Variants in RRN3 observed in about 807,000 individuals in gnomAD.
RRN3 encodes the protein RNA polymerase I-specific transcription initiation factor RRN3.
In RRN3, 38 loss-of-function variants were observed where a neutral mutation model predicts 82.3. The ratio of observed to expected loss-of-function variants is 0.46; its 90% CI spans 0.36 to 0.61. The LOEUF (loss-of-function observed/expected upper bound fraction) is 0.61. RRN3 is among the 20% of genes least tolerant of loss of function. The pLI is 0.00. For missense variants in RRN3, 726 were observed against 793.1 expected (o/e 0.92, Z 1.02); for synonymous variants, 284 against 284.3 (o/e 1.00, Z 0.01).
At position 15,063,211 on chromosome 16, in the gene RRN3, C is replaced by T; in HGVS notation, c.1779G>A (p.Lys593=). 6.2e-7 allele frequency: 1 copy of T among 1,611,200 alleles called. No homozygotes were observed. The highest frequency in any genetic ancestry group is 8.5e-7 in the Non-Finnish European group (1 of 1,177,346). The stretch of plus-strand genomic sequence containing the variant: ...ACAAACTGACCTTTTTCATGGGTTT[C>T]TTGAACTCCTGTAGCTCTTCAGCAC... ...DMSAEELQEF[K]KPMKKDIVED... The change falls in exon 17 of 18, where the codon AAG becomes AAA. Residue 593 remains lysine, a synonymous_variant. Coordinates refer to ENST00000198767, the MANE Select transcript of RRN3 (RefSeq NM_018427.5).
rs538790372 is a variant in RRN3, at chr16:15,075,070, T to C, written c.859-209A>G. On this transcript the variant is annotated intron_variant, in intron 10 of 17. Transcript: ENST00000198767. ...TTTGAGACCAGCCTGGCCAACATGG[T>C]AAAACTCTGTCTCTACTAAAAATAC... is the stretch of plus-strand genomic sequence containing the variant. 2.0e-4 allele frequency among the ~76,000 whole-genome samples: 31 copies of C among 151,680 alleles called. No individual in the cohort carries two copies. In the South Asian group the frequency reaches 4.2e-3, roughly 20 times the overall value.
At chr16:15,078,617 G>A (rs557792751) in intron 9 of RRN3, among the ~76,000 whole-genome samples, 1 of 152,168 alleles carries the variant, frequency 6.6e-6, no homozygotes, top group South Asian at 2.1e-4. Flanking sequence ...GAGCATCCAG[G>A]CTCTTGGTTT....
chr16:15,063,961 G>C (rs1256022160), intron 16 of RRN3, among the ~76,000 whole-genome samples: 1 of 152,078 alleles, frequency 6.6e-6, no homozygotes, highest in Non-Finnish European at 1.5e-5. Flanking sequence ...TATTTCTGTA[G>C]TAATTTGCTG....
At chr16:15,080,714 G>A (rs4122352) in intron 8 of RRN3, among the ~76,000 whole-genome samples, 31,335 of 151,878 alleles carry the variant, frequency 0.21, 4,285 homozygotes, top group Middle Eastern at 0.34. Flanking sequence ...AAGCCACTGC[G>A]CCCAGCCAGC....
At position 15,061,472 on chromosome 16, in the gene RRN3, T is replaced by C. The variant is rs1190165728; in HGVS notation, c.*272A>G. The C allele has an allele frequency of 1.1e-5, 4 of 379,642 alleles. No homozygotes were observed. Among genetic ancestry groups the C allele is most frequent in the Admixed American group, 4.4e-5 (1 of 22,672 alleles). The allele number at this position is 379,642 out of a possible 1,614,324, so 23.5% of individuals were successfully genotyped here. On this transcript the variant is annotated 3_prime_UTR_variant, in exon 18 of 18. Coordinates refer to ENST00000198767, the MANE Select transcript of RRN3 (RefSeq NM_018427.5). ...AAGCTGTTAACACAAAAAATGTACA[T>C]ATTAAACAAGCAAATCCTTCCAAAT...
chr16:15,071,463 G>C (rs2045224712), intron 12 of RRN3, among the ~76,000 whole-genome samples: 1 of 152,156 alleles, frequency 6.6e-6, no homozygotes, highest in South Asian at 2.1e-4. Flanking sequence ...CCCAAACCTA[G>C]CTAAGCATCA....
At chr16:15,075,405 C>G (rs186141082) in intron 10 of RRN3, among the ~76,000 whole-genome samples, 1 of 151,896 alleles carries the variant, frequency 6.6e-6, no homozygotes, top group African/African-American at 2.4e-5. Context: ...AGACCTGTCT[C>G]TACAAAAATA....
At position 15,061,832 on chromosome 16, in the gene RRN3, G is replaced by C. The variant is rs1367148440; in HGVS notation, c.1868C>G (p.Thr623Arg). Residue 623 changes from threonine to arginine, a missense_variant, in exon 18 of 18, where the codon ACA (threonine) becomes AGA (arginine). Thr to Arg is a moderately conservative substitution (Grantham distance 71). Coordinates refer to ENST00000198767, the MANE Select transcript of RRN3 (RefSeq NM_018427.5). ...VPQNDTVIGI[T>R]PSSFDTHFRS... ...GAAATGCGTGTCAAAGGAGCTTGGT[G>C]TGATCCCAATCACGGTATCATTCTG... 2.5e-6 allele frequency: 4 copies of C among 1,614,114 alleles called. No individual in the cohort carries two copies. Among genetic ancestry groups the C allele is most frequent in the Non-Finnish European group, 3.4e-6 (4 of 1,179,918 alleles).
intron 9 of RRN3, among the ~76,000 whole-genome samples, chr16:15,077,155 T>G (rs1018612943): frequency 1.3e-5 from 2 of 151,646 alleles, no homozygotes; most frequent in Non-Finnish European, 2.9e-5. Flanking sequence ...AATTTTGTAT[T>G]TTTAGTAGAG....
rs192563046 is a variant in RRN3, at chr16:15,091,948, G to A, written c.195+561C>T. On this transcript the variant is annotated intron_variant, in intron 2 of 17. Coordinates refer to ENST00000198767, the MANE Select transcript of RRN3 (RefSeq NM_018427.5). ...AATCCCAGCACTTTGGGAGGCCAAGGCGGGTGGATCACAAGGTCAGGAGTT... is the reference window on the plus strand; with the variant it reads ...AATCCCAGCACTTTGGGAGGCCAAGACGGGTGGATCACAAGGTCAGGAGTT... 4.0e-3 allele frequency among the ~76,000 whole-genome samples: 608 copies of A among 152,274 alleles called. 4 individuals carry two copies. The highest frequency in any genetic ancestry group is 6.5e-3 in the Non-Finnish European group (443 of 68,016).
rs374353637 is a variant in RRN3, at chr16:15,073,066, C to A, written c.1012G>T (p.Gly338Cys). 6.2e-7 allele frequency: 1 copy of A among 1,610,094 alleles called. No homozygotes were observed. Among genetic ancestry groups the A allele is most frequent in the Admixed American group, 1.7e-5 (1 of 58,782 alleles). Residue 338 changes from glycine to cysteine, a missense_variant, in exon 12 of 18, where the codon GGC becomes TGC. Around this residue, in one of 4 missense-constraint regions of RRN3, gnomAD observed 344 missense variants for 394.5 expected, o/e 0.87. Coordinates refer to ENST00000198767, the MANE Select transcript of RRN3 (RefSeq NM_018427.5). The part of the protein sequence containing the change: ...VCYVDGKVDN[G>C]KTKDLYRDLI... ...TCGCGATATAGATCCTTTGTTTTGC[C>A]GTTATCAACCTTACCTATGGAGAAA...
At chr16:15,073,605 A>C (rs982179391) in intron 11 of RRN3, among the ~76,000 whole-genome samples, 1 of 152,230 alleles carries the variant, frequency 6.6e-6, no homozygotes, top group African/African-American at 2.4e-5. Flanking sequence ...CAAGGTCAGA[A>C]ATGCAAACCC....
intron 12 of RRN3, among the ~76,000 whole-genome samples, chr16:15,071,584 A>G (rs2045231235): frequency 6.6e-6 from 1 of 152,206 alleles, no homozygotes; most frequent in South Asian, 2.1e-4. Context: ...CCTGGCCAAC[A>G]TGGAGAAACC....
chr16:15,072,202 A>G (rs1395983440), intron 12 of RRN3, among the ~76,000 whole-genome samples: 5 of 151,526 alleles, frequency 3.3e-5, no homozygotes, highest in Admixed American at 1.3e-4. Context: ...AAGCCACAAA[A>G]TCGTTGCAGA....
intron 17 of RRN3, among the ~76,000 whole-genome samples, 190 bp from the exon 18 acceptor site, chr16:15,062,095 C>T (rs1006874424): frequency 2.0e-5 from 3 of 152,154 alleles, no homozygotes; most frequent in African/African-American, 4.8e-5. Flanking sequence ...GGGAGGACTG[C>T]TTGAGCTCAA....
intron 8 of RRN3, among the ~76,000 whole-genome samples, chr16:15,080,684 A>G (rs926753812): frequency 6.6e-6 from 1 of 152,210 alleles, no homozygotes. Flanking sequence ...AGCCTCCTGA[A>G]GTGCTGTGAT....
At position 15,061,868 on chromosome 16, in the gene RRN3, C is replaced by A. The variant is rs2044727714; in HGVS notation, c.1832G>T (p.Gly611Val). The change falls in exon 18 of 18, where the codon GGC becomes GTC. Residue 611 changes from glycine (G) to valine (V), a missense_variant. Coordinates refer to ENST00000198767, the MANE Select transcript of RRN3 (RefSeq NM_018427.5). ...CACGGTATCATTCTGGGGCACTTCG[C>A]CTTTCAGAAAGTCATCATCTTCATC... ...VEDEDDDFLK[G>V]EVPQNDTVIG... 7 of 1,613,342 alleles carry A rather than the reference C, an allele frequency of 4.3e-6. No individual in the cohort carries two copies. In the South Asian group the frequency reaches 7.7e-5, roughly 18 times the overall value.
At position 15,077,795 on chromosome 16, in the gene RRN3, C is replaced by T. The variant is rs555399079; in HGVS notation, c.766-1145G>A. Among the ~76,000 whole-genome samples, 10 of 152,298 alleles carry T rather than the reference C, an allele frequency of 6.6e-5. No individual in the cohort carries two copies. The South Asian group carries it at 1.2e-3, about 19-fold the overall frequency. On this transcript the variant is annotated intron_variant, in intron 9 of 17. Coordinates refer to ENST00000198767, the MANE Select transcript of RRN3 (RefSeq NM_018427.5). ...GGTGGAGGTTGCAGTGAGCCGAGATCGCACCACTGCACTCCAGCCTGGGCA... is the reference window on the plus strand; with the variant it reads ...GGTGGAGGTTGCAGTGAGCCGAGATTGCACCACTGCACTCCAGCCTGGGCA...
At chr16:15,086,666 C>G (rs1340037478) in intron 3 of RRN3, among the ~76,000 whole-genome samples, 1 of 152,170 alleles carries the variant, frequency 6.6e-6, no homozygotes, top group Non-Finnish European at 1.5e-5. Context: ...CTCTAATACA[C>G]AGGAGAAAGA....
Sources: allele counts gnomAD v4.1 joint callset (sites outside exome capture counted in the v4.1 genomes callset), GRCh38; gene constraint gnomAD v4.1.1; regional missense constraint gnomAD v4.1.1; transcripts MANE v1.5; gene names NCBI Gene and HGNC (gene_info 2026-07-23, HGNC 2026-07-21).